MMP26: variants seen among roughly 807,000 people sequenced by gnomAD.
MMP26 encodes the protein matrix metalloproteinase-26.
MMP26 carries 33 observed loss-of-function variants against 31.0 expected under a neutral mutation model. The ratio of observed to expected loss-of-function variants is 1.06; its 90% confidence interval spans 0.81 to 1.42. The LOEUF (loss-of-function observed/expected upper bound fraction) is 1.42, where lower values mean the gene tolerates loss of function less well. Among genes scored for constraint, MMP26 ranks in the 40% most tolerant of loss-of-function variants. The pLI is 0.00. For missense variants in MMP26, 347 were observed against 316.1 expected, an observed-to-expected ratio of 1.10 and a Z score of -0.74; for synonymous variants, 122 against 114.9, an observed-to-expected ratio of 1.06 and a Z score of -0.40.
intron 2 of MMP26, among the ~76,000 whole-genome samples, chr11:4,805,272 T>C (rs1028354958): frequency 6.6e-6 from 1 of 152,222 alleles, no homozygotes; most frequent in Admixed American, 6.5e-5. Context: ...TACTGACCAA[T>C]TGTACATTTA....
intron 2 of MMP26, chr11:4,882,175 G>A (rs777056880): frequency 1.2e-6 from 2 of 1,613,772 alleles, no homozygotes; most frequent in East Asian, 2.2e-5. Context: ...TTCATGCCCG[G>A]GAGATCAGCT....
chr11:4,859,704 C>T (rs143719125), intron 2 of MMP26: 10 of 470,246 alleles, frequency 2.1e-5, no homozygotes, highest in South Asian at 1.1e-4. Context: ...TTAGCACAGG[C>T]GGGAGCAGTA....
chr11:4,881,940 T>C, intron 2 of MMP26: 1 of 1,613,834 alleles, frequency 6.2e-7, no homozygotes, highest in South Asian at 1.1e-5. Flanking sequence ...TCCTCAAACT[T>C]CCTCCTCACT....
chr11:4,775,128 T>A lies in MMP26; in HGVS notation c.-145+7787T>A, dbSNP rs184983432. Among the ~76,000 whole-genome samples, 3 of 152,294 alleles carry A rather than the reference T, an allele frequency of 2.0e-5. No individual in the cohort carries two copies. The East Asian group carries it at 5.8e-4, about 29-fold the overall frequency. On this transcript the variant is annotated intron_variant, in intron 2 of 7. Coordinates refer to ENST00000380390, the MANE Select transcript of MMP26 (RefSeq NM_021801.5). ...CTATACAGGCTCTTTTCTGGTTCCA[T>A]ATTAATTTTAAAATAGTTTTTCTAA...
chr11:4,737,160 A>T (rs1848251969), intron 1 of MMP26: 1 of 152,196 alleles, frequency 6.6e-6, no homozygotes, highest in African/African-American at 2.4e-5. Flanking sequence ...GAAATGATAA[A>T]ACCATTCATC....
At chr11:4,797,489 G>C (rs1380665774) in intron 2 of MMP26, among the ~76,000 whole-genome samples, 2 of 152,064 alleles carry the variant, frequency 1.3e-5, no homozygotes, top group Non-Finnish European at 2.9e-5. Context: ...CACTATGATT[G>C]CTCTGTTTCT....
intron 2 of MMP26, chr11:4,859,651 A>G (rs1280452039): frequency 2.6e-5 from 12 of 461,688 alleles, no homozygotes; most frequent in Middle Eastern, 6.5e-4. Context: ...TTGAAAGATC[A>G]TTCTTCAAAT....
chr11:4,822,778 C>T (rs753360376), intron 2 of MMP26, among the ~76,000 whole-genome samples: 23 of 152,060 alleles, frequency 1.5e-4, no homozygotes, highest in Non-Finnish European at 2.6e-4. Context: ...ATTATATATG[C>T]GATTCCAAAA....
chr11:4,803,205 A>T (rs986519933), intron 2 of MMP26, among the ~76,000 whole-genome samples: 1 of 152,204 alleles, frequency 6.6e-6, no homozygotes, highest in Non-Finnish European at 1.5e-5. Context: ...TTTCCATGTG[A>T]TGATGAATAT....
intron 2 of MMP26, chr11:4,804,387 G>T: frequency 6.2e-7 from 1 of 1,604,346 alleles, no homozygotes; most frequent in Non-Finnish European, 8.5e-7. Context: ...CCATGGACTG[G>T]TTAATATGGT....
intron 2 of MMP26, among the ~76,000 whole-genome samples, chr11:4,775,642 C>T (rs1298429364): frequency 1.3e-5 from 2 of 152,014 alleles, no homozygotes; most frequent in Non-Finnish European, 2.9e-5. Flanking sequence ...ATGGTGTCAG[C>T]ATCAGCTCAG....
chr11:4,909,973 G>A (rs1042317265), intron 2 of MMP26, among the ~76,000 whole-genome samples: 2 of 151,906 alleles, frequency 1.3e-5, no homozygotes, highest in Non-Finnish European at 2.9e-5. Flanking sequence ...TTTTTGGTCA[G>A]AAAAACTGCA....
chr11:4,788,208 G>T (rs1047266749), intron 2 of MMP26, among the ~76,000 whole-genome samples: 1 of 151,998 alleles, frequency 6.6e-6, no homozygotes, highest in Non-Finnish European at 1.5e-5. Context: ...TATTCTTTCT[G>T]CTTTCTCAGA....
rs868629486 is a variant in MMP26, at chr11:4,720,908, G to A, written c.-217+15863G>A. The stretch of plus-strand genomic sequence containing the variant: ...ATGGTTGATTCTATTTCTTCTGAGG[G>A]GCATGATGAGATTATTGCTGGAAGT... On this transcript the variant is annotated intron_variant, in intron 1 of 7. Coordinates refer to ENST00000380390, the MANE Select transcript of MMP26 (RefSeq NM_021801.5). Among the ~76,000 whole-genome samples, 11 of 152,214 alleles carry A rather than the reference G, an allele frequency of 7.2e-5. No individual in the cohort carries two copies. In the South Asian group the frequency reaches 2.1e-3, roughly 29 times the overall value.
At chr11:4,963,799 A>G (rs1196960239) in intron 2 of MMP26, among the ~76,000 whole-genome samples, 3 of 152,176 alleles carry the variant, frequency 2.0e-5, no homozygotes, top group African/African-American at 7.2e-5. Flanking sequence ...TTTTTTAATT[A>G]TAGCAATTCT....
At chr11:4,907,826 A>G (rs775184247) in intron 2 of MMP26, 14 of 1,613,766 alleles carry the variant, frequency 8.7e-6, no homozygotes, top group Non-Finnish European at 1.2e-5. Context: ...CATTAGGAGC[A>G]TTCTCTTAGT....
intron 2 of MMP26, among the ~76,000 whole-genome samples, chr11:4,796,455 A>G (rs1223540431): frequency 2.6e-5 from 4 of 152,208 alleles, no homozygotes; most frequent in Admixed American, 2.6e-4. Flanking sequence ...CTACATTGTA[A>G]GGACTAAGTC....
At position 4,922,041 on chromosome 11, in the gene MMP26, G is replaced by A. The variant is rs149643753; in HGVS notation, c.-144-66027G>A. Reference sequence around the variant, plus strand: ...CTGAGTCACCAGTGTTTATTATTTCGAACACTATGTCCAGGTGTAAACATT... The same window carrying A: ...CTGAGTCACCAGTGTTTATTATTTCAAACACTATGTCCAGGTGTAAACATT... On this transcript the variant is annotated intron_variant, in intron 2 of 7. Transcript: ENST00000380390. 1.9e-3 allele frequency among the ~76,000 whole-genome samples: 295 copies of A among 152,096 alleles called. 5 individuals carry two copies. Among genetic ancestry groups the A allele is most frequent in the Non-Finnish European group, 7.7e-4 (52 of 67,968 alleles).
intron 2 of MMP26, among the ~76,000 whole-genome samples, chr11:4,949,684 T>A (rs73388914): frequency 0.74 from 88,701 of 120,326 alleles, 38,494 homozygotes; most frequent in Middle Eastern, 0.88. Flanking sequence ...TCCAAAAAAA[T>A]GAAGAAAATA....
Sources: gnomAD v4.1 joint callset for allele counts (sites outside exome capture counted in the v4.1 genomes callset) on GRCh38, gnomAD v4.1.1 for gene constraint, MANE v1.5 for transcripts, NCBI Gene and HGNC (gene_info 2026-07-23, HGNC 2026-07-21) for gene names.